ERMP1: variants seen among roughly 807,000 people sequenced by gnomAD.
The protein encoded by ERMP1 is endoplasmic reticulum metallopeptidase 1.
Under a neutral mutation model 92.0 loss-of-function variants are expected in ERMP1, and 86 were observed. The ratio of observed to expected loss-of-function variants is 0.93; its 90% CI spans 0.79 to 1.12. ERMP1 has a LOEUF of 1.12. Among genes scored for constraint, ERMP1 ranks in the 50% most tolerant of loss-of-function variants. The pLI is 0.00. For missense variants in ERMP1, 1,342 were observed against 1,116.3 expected (o/e 1.20, Z -2.88); for synonymous variants, 530 against 412.8 (o/e 1.28, Z -3.44).
intron 13 of ERMP1, among the ~76,000 whole-genome samples, chr9:5,791,734 T>C (rs1828206586): frequency 6.6e-6 from 1 of 152,194 alleles, no homozygotes; most frequent in African/African-American, 2.4e-5. Context: ...AGTAGAATGC[T>C]TTAAAAGAAA....
At chr9:5,799,867 AACAC>A (rs1828601953) in intron 11 of ERMP1, among the ~76,000 whole-genome samples, 1 of 152,212 alleles carries the variant, frequency 6.6e-6, no homozygotes, top group Non-Finnish European at 1.5e-5. Context: ...CATCATGAAA[AACAC>A]ACTGAACCTC....
intron 5 of ERMP1, among the ~76,000 whole-genome samples, chr9:5,866,188 C>G (rs1408657193): frequency 6.6e-6 from 1 of 152,198 alleles, no homozygotes; most frequent in African/African-American, 2.4e-5. Context: ...GAGCCCCTCT[C>G]TTACACCAGT....
In ERMP1 at chr9:5,831,039, C is replaced by T. The variant is rs1338119491; in HGVS notation, c.339-11G>A. ...TGTTCAAGATAATCCCTGGAAGTAA[C>T]CAAAAGAATAACAAAGGTTTGTAGT... On this transcript the variant is annotated splice_polypyrimidine_tract_variant and intron_variant, in intron 1 of 14. Coordinates refer to ENST00000339450, the MANE Select transcript of ERMP1 (RefSeq NM_024896.3). 1.9e-6 allele frequency: 3 copies of T among 1,596,608 alleles called. No individual in the cohort carries two copies. The highest frequency in any genetic ancestry group is 2.6e-6 in the Non-Finnish European group (3 of 1,169,236).
chr9:5,861,091 G>C (rs1204821015), intron 5 of ERMP1, among the ~76,000 whole-genome samples: 1 of 152,012 alleles, frequency 6.6e-6, no homozygotes, highest in Non-Finnish European at 1.5e-5. Context: ...GACTGAGACA[G>C]GGATCTAGTA....
intron 13 of ERMP1, among the ~76,000 whole-genome samples, chr9:5,796,599 T>C (rs1046290692): frequency 3.3e-5 from 5 of 152,190 alleles, no homozygotes; most frequent in African/African-American, 1.2e-4. Flanking sequence ...CTTAAATGCA[T>C]ACTTCTAAGT....
At chr9:5,798,370 C>T (rs1828532466) in intron 12 of ERMP1, among the ~76,000 whole-genome samples, 1 of 152,110 alleles carries the variant, frequency 6.6e-6, no homozygotes, top group Non-Finnish European at 1.5e-5. Flanking sequence ...GCATGCACCA[C>T]CATGCCCGGC....
rs111822108 is a variant in ERMP1 at position 5,816,958 on chromosome 9, C to G, written c.875-3923G>C. On this transcript the variant is annotated intron_variant, in intron 4 of 14. Coordinates refer to ENST00000339450, the MANE Select transcript of ERMP1 (RefSeq NM_024896.3). Reference sequence around the variant, plus strand: ...CTGTCTCCCAGGCTGGAGTACAGCACCTCAATCTTGGCTCACTGCAAGCTC... The same window carrying G: ...CTGTCTCCCAGGCTGGAGTACAGCAGCTCAATCTTGGCTCACTGCAAGCTC... Among the ~76,000 whole-genome samples, 651 of 150,442 alleles carry G rather than the reference C, an allele frequency of 4.3e-3. 1 individual carries two copies. Among genetic ancestry groups the G allele is most frequent in the African/African-American group, 0.015 (613 of 40,880 alleles).
At chr9:5,859,237 T>C (rs985188253) in intron 6 of ERMP1, among the ~76,000 whole-genome samples, 1 of 150,736 alleles carries the variant, frequency 6.6e-6, no homozygotes, top group East Asian at 1.9e-4. Flanking sequence ...TAAACAGGAC[T>C]TAATGGAATA....
In ERMP1 at chr9:5,811,166, C is replaced by T. The variant is rs552106378; in HGVS notation, c.1272G>A (p.Val424=). The change falls in exon 7 of 15, where the codon GTG becomes GTA. Residue 424 remains valine (V), a synonymous_variant. Coordinates refer to ENST00000339450, the MANE Select transcript of ERMP1 (RefSeq NM_024896.3). Reference sequence around the variant, plus strand: ...CCAGGTACAAAACAACACCCATTACCACCATGTAGTTTATGATTGAGCCAA... The same window carrying T: ...CCAGGTACAAAACAACACCCATTACTACCATGTAGTTTATGATTGAGCCAA... ...SRIGSIINYM[V]VMGVVLYLGK... is the part of the protein sequence containing the mutation. 1 of 1,613,772 alleles carries T rather than the reference C, an allele frequency of 6.2e-7. No individual in the cohort carries two copies. Among genetic ancestry groups the T allele is most frequent in the African/African-American group, 1.3e-5 (1 of 74,926 alleles).
Position 5,864,551 on chromosome 9 carries a change from C to G in ERMP1, n.3055+3251G>C, listed in dbSNP as rs181782394. On this transcript the variant is annotated intron_variant and non_coding_transcript_variant, in intron 5 of 6. Transcript: ENST00000690753. ...GGGGGCGAGCGGGTATTTGACCCTT[C>G]TAAAAGCCTCAAGTGAAGGGAACAA... 2.8e-4 allele frequency among the ~76,000 whole-genome samples: 42 copies of G among 152,292 alleles called. No homozygotes were observed. The East Asian group carries it at 5.2e-3, about 19-fold the overall frequency.
chr9:5,789,708 GC>G (rs1828093883), intron 13 of ERMP1, among the ~76,000 whole-genome samples: 1 of 152,068 alleles, frequency 6.6e-6, no homozygotes, highest in Non-Finnish European at 1.5e-5. Flanking sequence ...GAACACAGCA[GC>G]CCACTGCTCT....
chr9:5,856,649 C>T (rs138030366), intron 6 of ERMP1, among the ~76,000 whole-genome samples: 5 of 152,272 alleles, frequency 3.3e-5, no homozygotes, highest in Non-Finnish European at 5.9e-5. Flanking sequence ...TCCATAAAGT[C>T]ACAGCAAACA....
intron 13 of ERMP1, among the ~76,000 whole-genome samples, chr9:5,790,156 G>A (rs1828120437): frequency 6.9e-6 from 1 of 144,012 alleles, no homozygotes; most frequent in Non-Finnish European, 1.5e-5. Flanking sequence ...ATTGGTGGGA[G>A]TTAAAACAAT....
Position 5,811,314 on chromosome 9 carries a change from ATGT to A in ERMP1, c.1121_1123del (p.Asn374del), listed in dbSNP as rs1428586874. 2 of 1,608,974 alleles carry A rather than the reference ATGT, an allele frequency of 1.2e-6. No homozygotes were observed. Among genetic ancestry groups the A allele is most frequent in the Non-Finnish European group, 1.7e-6 (2 of 1,177,584 alleles). ...AGCTAGATGCTTAAGAACTGCTAAA[ATGT>A]TGTCACCTATTAGTAAAAACAAAAA... On this transcript the variant is annotated inframe_deletion, in exon 7 of 15. Coordinates refer to ENST00000339450, the MANE Select transcript of ERMP1 (RefSeq NM_024896.3).
At chr9:5,832,619 G>T in intron 1 of ERMP1, 71 bp downstream of exon 1, 1 of 1,221,432 alleles carries the variant, frequency 8.2e-7, no homozygotes, top group Non-Finnish European at 1.1e-6. Context: ...GCACACAGGT[G>T]CGGTGCCCCG....
At chr9:5,852,465 A>C (rs1371862031) in intron 6 of ERMP1, among the ~76,000 whole-genome samples, 1 of 151,978 alleles carries the variant, frequency 6.6e-6, no homozygotes, top group African/African-American at 2.4e-5. Context: ...CATGTTGCCC[A>C]GGCTGGTCTC....
At chr9:5,811,822 G>T (rs1829107993) in intron 6 of ERMP1, among the ~76,000 whole-genome samples, 1 of 152,192 alleles carries the variant, frequency 6.6e-6, no homozygotes, top group Admixed American at 6.5e-5. Context: ...AGGAGAGCTA[G>T]CAGAGTTCCA....
upstream of ERMP1, among the ~76,000 whole-genome samples, chr9:5,834,172 C>T (rs1416471600): frequency 1.3e-5 from 2 of 152,236 alleles, no homozygotes; most frequent in East Asian, 1.9e-4. Context: ...TCAAAGACTT[C>T]CTGCACGCAT....
upstream of ERMP1, among the ~76,000 whole-genome samples, chr9:5,837,903 G>A (rs1214158461): frequency 6.6e-6 from 1 of 152,144 alleles, no homozygotes; most frequent in Non-Finnish European, 1.5e-5. Context: ...AGGAATTCGA[G>A]AGCAGCCTGG....
Sources: allele counts gnomAD v4.1 joint callset (sites outside exome capture counted in the v4.1 genomes callset), GRCh38; gene constraint gnomAD v4.1.1; transcripts MANE v1.5; gene names NCBI Gene and HGNC (gene_info 2026-07-23, HGNC 2026-07-21).